The following TMEM272 variants were observed in gnomAD, a reference collection of about 807,000 sequenced individuals.
TMEM272 encodes long intergenic non-protein coding RNA 282.
Under a neutral mutation model 3.7 loss-of-function variants are expected in TMEM272, and 8 were observed. That is an observed-to-expected ratio of 2.17 (90% CI 1.27 to 3.91). The LOEUF is 3.91. TMEM272 is among the 30% of genes most tolerant of loss of function. TMEM272 has a pLI of 0.00. For synonymous variants in TMEM272, 63 were observed against 39.8 expected, an observed-to-expected ratio of 1.58 and a Z score of -2.20; for missense variants, 166 against 91.5, an observed-to-expected ratio of 1.81 and a Z score of -3.32.
chr13:51,863,224 C>A, the TMEM272 span, among the ~76,000 whole-genome samples: 1 of 152,182 alleles, frequency 6.6e-6, no homozygotes, highest in Admixed American at 6.5e-5. Context: ...TGGGTGCAGG[C>A]TGGGTAGGAA....
At chr13:51,911,572 G>A in the TMEM272 span, among the ~76,000 whole-genome samples, 9 of 152,312 alleles carry the variant, frequency 5.9e-5, no homozygotes, top group South Asian at 1.9e-3. Flanking sequence ...GCTCCTTCAG[G>A]AGAGGAACCA....
the TMEM272 span, among the ~76,000 whole-genome samples, chr13:51,864,131 T>C: frequency 6.6e-6 from 1 of 152,044 alleles, no homozygotes; most frequent in Non-Finnish European, 1.5e-5. Flanking sequence ...TTCTTTTCTT[T>C]TTTTCTTTTC....
chr13:51,865,980 A>G, the TMEM272 span: 1 of 1,613,878 alleles, frequency 6.2e-7, no homozygotes, highest in African/African-American at 1.3e-5. Context: ...TTCTGGATGG[A>G]GAACAATGGC....
At chr13:51,879,482 A>G in the TMEM272 span, among the ~76,000 whole-genome samples, 2 of 152,238 alleles carry the variant, frequency 1.3e-5, no homozygotes, top group Non-Finnish European at 2.9e-5. Context: ...AGAACATTGC[A>G]GATGACTTTA....
chr13:51,856,233 G>T, the TMEM272 span, among the ~76,000 whole-genome samples: 13 of 152,108 alleles, frequency 8.5e-5, no homozygotes, highest in Admixed American at 3.3e-4. Flanking sequence ...TTGCCAGGAA[G>T]TCTGAAAAAA....
the TMEM272 span, among the ~76,000 whole-genome samples, chr13:51,880,259 A>G: frequency 2.1e-3 from 286 of 133,188 alleles, 5 homozygotes; most frequent in East Asian, 1.1e-3. Flanking sequence ...TGACTTTCAA[A>G]TTCAATTCCT....
At chr13:51,916,887 T>C in the TMEM272 span, among the ~76,000 whole-genome samples, 1 of 152,220 alleles carries the variant, frequency 6.6e-6, no homozygotes, top group African/African-American at 2.4e-5. Flanking sequence ...CCATGCATCA[T>C]TCTCCGGCAT....
the TMEM272 span, among the ~76,000 whole-genome samples, chr13:51,853,175 G>C: frequency 1.3e-5 from 2 of 152,176 alleles, no homozygotes; most frequent in Non-Finnish European, 2.9e-5. Flanking sequence ...GGGAGACTGA[G>C]GCAGGCAGAT....
rs7986736 is a variant in TMEM272, at chr13:51,827,810, T to A, written c.59-1185A>T. ...CCCACCCTGGCCATAGAAAAGGGCA[T>A]GAAGTTTCACCCTCAATTAACCAGC... On this transcript the variant is annotated intron_variant, in intron 2 of 4. Coordinates refer to ENST00000629372, the MANE Select transcript of TMEM272 (RefSeq NM_001351003.2). Among the ~76,000 whole-genome samples the A allele has an allele frequency of 4.5e-3, 684 of 152,322 alleles. 8 individuals carry two copies. The highest frequency in any genetic ancestry group is 0.016 in the African/African-American group (662 of 41,566).
upstream of TMEM272, among the ~76,000 whole-genome samples, chr13:51,846,120 C>G (rs1886320): frequency 0.56 from 85,226 of 152,030 alleles, 24,096 homozygotes; most frequent in Admixed American, 0.63. Context: ...GGCACCTCTC[C>G]GGGCTCACTC....
At chr13:51,926,068 GGT>G in the TMEM272 span, among the ~76,000 whole-genome samples, 2 of 151,908 alleles carry the variant, frequency 1.3e-5, no homozygotes, top group African/African-American at 2.4e-5. Context: ...ATATATGTGT[GGT>G]GTGTGTCTAT....
the TMEM272 span, among the ~76,000 whole-genome samples, chr13:51,920,102 T>C: frequency 1.4e-3 from 218 of 152,288 alleles, no homozygotes; most frequent in African/African-American, 5.1e-3. Context: ...TAGCAATGTA[T>C]ATGCCTGCAA....
the TMEM272 span, among the ~76,000 whole-genome samples, chr13:51,882,942 G>A: frequency 2.0e-5 from 3 of 152,206 alleles, no homozygotes; most frequent in Admixed American, 1.3e-4. Flanking sequence ...GCTGCACTAG[G>A]CTGGTGCCCT....
intron 2 of TMEM272, among the ~76,000 whole-genome samples, chr13:51,834,595 T>TTG (rs1956199270): frequency 6.6e-6 from 1 of 152,156 alleles, no homozygotes. Flanking sequence ...GTATGTTGAG[T>TTG]TGTGTAAATT....
the TMEM272 span, chr13:51,908,792 T>C: frequency 6.9e-7 from 1 of 1,440,270 alleles, no homozygotes; most frequent in African/African-American, 1.4e-5. Context: ...AATCAGGATA[T>C]GATTGTCCTG....
At chr13:51,927,794 C>T in the TMEM272 span, among the ~76,000 whole-genome samples, 4 of 152,200 alleles carry the variant, frequency 2.6e-5, no homozygotes, top group Non-Finnish European at 4.4e-5. Flanking sequence ...CCATCAGTGC[C>T]ATTCTAATGA....
intron 2 of TMEM272, 88 bp downstream of exon 2, chr13:51,838,385 A>T (rs183667169): frequency 1.4e-6 from 1 of 702,232 alleles, no homozygotes; most frequent in East Asian, 2.7e-5. Context: ...CAGCCCACTC[A>T]TATGATCCAC....
the TMEM272 span, among the ~76,000 whole-genome samples, chr13:51,905,590 G>A: frequency 2.6e-5 from 4 of 152,206 alleles, no homozygotes; most frequent in South Asian, 2.1e-4. Context: ...CGGCGCGGTC[G>A]ACCCAAGCAG....
chr13:51,901,508 C>A, the TMEM272 span, among the ~76,000 whole-genome samples: 1 of 145,336 alleles, frequency 6.9e-6, no homozygotes, highest in African/African-American at 2.5e-5. Context: ...TTCATATAGC[C>A]AAGGAAAGTC....
Sources: gnomAD v4.1 joint callset for allele counts (sites outside exome capture counted in the v4.1 genomes callset) on GRCh38, gnomAD v4.1.1 for gene constraint, MANE v1.5 for transcripts, NCBI Gene and HGNC (gene_info 2026-07-23, HGNC 2026-07-21) for gene names.